The following EPHA6 variants were observed in gnomAD, a reference collection of about 807,000 sequenced individuals.
EPHA6 encodes ephrin type-A receptor 6.
A neutral mutation model predicts 112.0 loss-of-function variants in EPHA6; 50 were observed. That is an observed-to-expected ratio of 0.45 (90% CI 0.36 to 0.56). EPHA6 has a LOEUF of 0.56. Among genes scored for constraint, EPHA6 ranks in the 20% least tolerant of loss-of-function variants. The probability of loss-of-function intolerance (pLI) is 0.00; values close to 1 mark genes in which losing one functional copy is unlikely to be tolerated. For missense variants in EPHA6, 1,280 were observed against 1,417.4 expected (o/e 0.90, Z 1.56); for synonymous variants, 529 against 490.7 (o/e 1.08, Z -1.03).
chr3:97,130,952 G>A (rs2048320783), intron 3 of EPHA6, among the ~76,000 whole-genome samples: 1 of 152,060 alleles, frequency 6.6e-6, no homozygotes, highest in African/African-American at 2.4e-5. Context: ...AACCACTTCT[G>A]TGCCATTTAA....
At chr3:97,159,444 A>G (rs2076363157) in intron 3 of EPHA6, among the ~76,000 whole-genome samples, 1 of 152,160 alleles carries the variant, frequency 6.6e-6, no homozygotes, top group Non-Finnish European at 1.5e-5. Context: ...AGGAACCAGA[A>G]ACAAATATTT....
intron 3 of EPHA6, among the ~76,000 whole-genome samples, chr3:97,009,702 T>A (rs1007484177): frequency 2.6e-5 from 4 of 152,222 alleles, no homozygotes; most frequent in African/African-American, 9.6e-5. Flanking sequence ...CATTCCAGGG[T>A]TGGGAAGCTA....
intron 3 of EPHA6, among the ~76,000 whole-genome samples, chr3:97,207,704 G>T (rs1500700): frequency 2.6e-5 from 4 of 152,034 alleles, no homozygotes; most frequent in African/African-American, 9.7e-5. Flanking sequence ...ACAAAATTTT[G>T]TATGTGTACA....
chr3:97,131,093 C>T (rs773878353), intron 3 of EPHA6, among the ~76,000 whole-genome samples: 41 of 152,030 alleles, frequency 2.7e-4, no homozygotes, highest in Non-Finnish European at 5.0e-4. Context: ...ATTGTCATAG[C>T]AGAGAAGAAA....
At chr3:96,856,391 GA>G (rs1307918378) in intron 1 of EPHA6, among the ~76,000 whole-genome samples, 4 of 151,902 alleles carry the variant, frequency 2.6e-5, no homozygotes, top group Non-Finnish European at 5.9e-5. Flanking sequence ...TCAATCTATA[GA>G]ATCAGAATTT....
intron 5 of EPHA6, among the ~76,000 whole-genome samples, chr3:97,388,072 T>G (rs1463189357): frequency 6.6e-6 from 1 of 152,154 alleles, no homozygotes; most frequent in African/African-American, 2.4e-5. Context: ...TTCAATCACT[T>G]CCTACCAGGC....
intron 5 of EPHA6, among the ~76,000 whole-genome samples, chr3:97,342,743 A>T (rs2083372344): frequency 6.6e-6 from 1 of 151,926 alleles, no homozygotes; most frequent in Non-Finnish European, 1.5e-5. Flanking sequence ...GTCCTATGCC[A>T]TGGAAAGATA....
intron 2 of EPHA6, among the ~76,000 whole-genome samples, chr3:96,984,974 A>G (rs547153681): frequency 1.2e-4 from 18 of 152,270 alleles, no homozygotes; most frequent in Middle Eastern, 3.4e-3. Flanking sequence ...TATGAAAGGG[A>G]ATTCCCTGAC....
intron 5 of EPHA6, among the ~76,000 whole-genome samples, chr3:97,329,787 G>A (rs1212327161): frequency 3.3e-5 from 5 of 151,806 alleles, no homozygotes; most frequent in African/African-American, 7.3e-5. Context: ...CTCTGATGGT[G>A]GTTTCTTTTG....
At chr3:96,859,602 G>A (rs1039759248) in intron 1 of EPHA6, among the ~76,000 whole-genome samples, 3 of 151,950 alleles carry the variant, frequency 2.0e-5, no homozygotes, top group African/African-American at 7.2e-5. Context: ...ATGTTGCTTA[G>A]GCTTGTTTAA....
Position 97,528,856 on chromosome 3 carries a change from G to C in EPHA6, c.2201-3502G>C, listed in dbSNP as rs141314347. 1.1e-3 allele frequency among the ~76,000 whole-genome samples: 166 copies of C among 152,256 alleles called. 1 individual carries two copies. The highest frequency in any genetic ancestry group is 6.8e-3 in the Middle Eastern group (2 of 294). On this transcript the variant is annotated intron_variant, in intron 10 of 17. Coordinates refer to ENST00000389672, the MANE Select transcript of EPHA6 (RefSeq NM_001080448.3). ...ACCAACATCCAGGGAGATAGATGGG[G>C]TTATTAGCTAGTGAATGTGCTGTCA... is the stretch of plus-strand genomic sequence containing the variant.
intron 3 of EPHA6, among the ~76,000 whole-genome samples, chr3:97,082,295 G>A (rs951153627): frequency 6.6e-6 from 1 of 151,790 alleles, no homozygotes; most frequent in Non-Finnish European, 1.5e-5. Flanking sequence ...TACAAAAATT[G>A]TTTATGAATC....
chr3:97,562,585 ACTC>A (rs1372277652), intron 11 of EPHA6, among the ~76,000 whole-genome samples: 1 of 152,118 alleles, frequency 6.6e-6, no homozygotes, highest in East Asian at 1.9e-4. Flanking sequence ...GATGAAATCT[ACTC>A]CTAGTGAAGA....
At chr3:97,696,571 C>T (rs928444945) in intron 14 of EPHA6, among the ~76,000 whole-genome samples, 1 of 152,144 alleles carries the variant, frequency 6.6e-6, no homozygotes, top group Admixed American at 6.6e-5. Flanking sequence ...TTGAAGAAAA[C>T]CTCTAAGCTG....
intron 3 of EPHA6, among the ~76,000 whole-genome samples, chr3:97,057,360 A>C (rs1559699154): frequency 6.6e-6 from 1 of 152,210 alleles, no homozygotes; most frequent in East Asian, 1.9e-4. Flanking sequence ...TGCATACAGC[A>C]CACAGGTTGC....
chr3:97,301,160 G>A (rs1034402593), intron 5 of EPHA6, among the ~76,000 whole-genome samples: 1 of 152,074 alleles, frequency 6.6e-6, no homozygotes, highest in African/African-American at 2.4e-5. Flanking sequence ...ATCTGATCTT[G>A]GCAGGGTATT....
At chr3:97,361,794 T>C (rs2084387728) in intron 5 of EPHA6, among the ~76,000 whole-genome samples, 1 of 152,200 alleles carries the variant, frequency 6.6e-6, no homozygotes, top group Non-Finnish European at 1.5e-5. Context: ...TTAAAGGCCC[T>C]ACTTCTCAAT....
intron 1 of EPHA6, among the ~76,000 whole-genome samples, chr3:96,822,738 T>G (rs1221495848): frequency 6.6e-6 from 1 of 150,606 alleles, no homozygotes; most frequent in Non-Finnish European, 1.5e-5. Flanking sequence ...TTATGTTAAT[T>G]CACTAATAAC....
intron 3 of EPHA6, among the ~76,000 whole-genome samples, chr3:97,208,446 TA>T (rs1343077653): frequency 2.6e-5 from 4 of 152,086 alleles, no homozygotes; most frequent in African/African-American, 7.2e-5. Flanking sequence ...AGCTGGACTG[TA>T]AAAATGGAGG....
Sources: gnomAD v4.1 joint callset for allele counts (sites outside exome capture counted in the v4.1 genomes callset) on GRCh38, gnomAD v4.1.1 for gene constraint, MANE v1.5 for transcripts, NCBI Gene and HGNC (gene_info 2026-07-23, HGNC 2026-07-21) for gene names.